Variants in MTMR8 observed in about 807,000 individuals in gnomAD.
MTMR8 encodes the protein phosphatidylinositol-3,5-bisphosphate 3-phosphatase MTMR8.
A neutral mutation model predicts 39.3 loss-of-function variants in MTMR8; 65 were observed. That is an observed-to-expected ratio of 1.65 (90% CI 1.35 to 2.03). The LOEUF is 2.03. Ranked by LOEUF, MTMR8 falls within the 30% of genes most tolerant of loss-of-function variation. MTMR8 has a pLI of 0.00. For synonymous variants in MTMR8, 245 were observed against 185.2 expected (o/e 1.32, Z -2.62); for missense variants, 777 against 538.9 (o/e 1.44, Z -4.37).
At chrX:64,352,688 A>G (rs1383648987) in intron 4 of MTMR8, among the ~76,000 whole-genome samples, 4 of 111,349 alleles carry the variant, frequency 3.6e-5, no homozygotes, top group Non-Finnish European at 7.5e-5. Context: ...AAATTCCTTC[A>G]CTTTTCTAGC....
At chrX:64,321,002 C>G (rs1256953986) in intron 12 of MTMR8, among the ~76,000 whole-genome samples, 1 of 111,926 alleles carries the variant, frequency 8.9e-6, no homozygotes, top group Non-Finnish European at 1.9e-5. Context: ...TGGCAAATAA[C>G]ACAACCTTTA....
chrX:64,291,746 G>A (rs1459036424), intron 12 of MTMR8, among the ~76,000 whole-genome samples: 1 of 111,607 alleles, frequency 9.0e-6, no homozygotes, highest in Non-Finnish European at 1.9e-5. Flanking sequence ...TTTGGAACAC[G>A]TTCGCATAAC....
At chrX:64,287,057 G>T (rs752933926) in intron 12 of MTMR8, among the ~76,000 whole-genome samples, 2 of 111,706 alleles carry the variant, frequency 1.8e-5, no homozygotes, top group South Asian at 7.5e-4. Context: ...TGTATATCTA[G>T]AAAACCCCAT....
At chrX:64,321,461 T>G (rs1353308099) in intron 12 of MTMR8, among the ~76,000 whole-genome samples, 1 of 111,988 alleles carries the variant, frequency 8.9e-6, no homozygotes, top group East Asian at 2.8e-4. Flanking sequence ...CTAGAACAGT[T>G]AAACAACAGA....
intron 1 of MTMR8, among the ~76,000 whole-genome samples, chrX:64,389,431 C>T (rs1924640717): frequency 8.9e-6 from 1 of 111,897 alleles, no homozygotes; most frequent in Non-Finnish European, 1.9e-5. Context: ...AAGACACAAC[C>T]CTAAAACAAA....
In MTMR8 at chrX:64,319,915, A is replaced by C. The variant is rs756897675; in HGVS notation, c.1481+8857T>G. Among the ~76,000 whole-genome samples the C allele has an allele frequency of 5.4e-5, 6 of 111,228 alleles. No individual in the cohort carries two copies. In the South Asian group the frequency reaches 1.9e-3, roughly 36 times the overall value. On this transcript the variant is annotated intron_variant, in intron 12 of 13. Coordinates refer to ENST00000374852, the MANE Select transcript of MTMR8 (RefSeq NM_017677.4). ...CTTTTTTGGTTCCATATGAACTTTAAAGTAGTTTTTTCCAATTCTGTGAAG... is the reference window on the plus strand; with the variant it reads ...CTTTTTTGGTTCCATATGAACTTTACAGTAGTTTTTTCCAATTCTGTGAAG...
intron 12 of MTMR8, among the ~76,000 whole-genome samples, chrX:64,317,955 C>A (rs979960806): frequency 1.8e-5 from 2 of 112,327 alleles, no homozygotes; most frequent in African/African-American, 6.5e-5. Flanking sequence ...GTTAATAACA[C>A]CCTAGCTGCA....
At chrX:64,304,885 T>C (rs1433605907) in intron 12 of MTMR8, among the ~76,000 whole-genome samples, 1 of 79,317 alleles carries the variant, frequency 1.3e-5, no homozygotes, top group Non-Finnish European at 2.5e-5. Context: ...TATATATATA[T>C]ATATATATAT....
intron 12 of MTMR8, among the ~76,000 whole-genome samples, chrX:64,291,656 C>T (rs1488000248): frequency 9.0e-6 from 1 of 111,616 alleles, no homozygotes; most frequent in Non-Finnish European, 1.9e-5. Flanking sequence ...ACCAGGAAAT[C>T]AATATGGGAC....
chrX:64,337,227 G>T, intron 9 of MTMR8, 41 bp downstream of exon 9: 2 of 1,166,199 alleles, frequency 1.7e-6, no homozygotes, highest in East Asian at 6.1e-5. Context: ...GTCGCAATCT[G>T]TCTCTTACAC....
At position 64,386,069 on chromosome X, in the gene MTMR8, A is replaced by G. The variant is rs538648870; in HGVS notation, c.24+9271T>C. Among the ~76,000 whole-genome samples the G allele has an allele frequency of 3.2e-4, 36 of 111,100 alleles. No individual in the cohort carries two copies. The South Asian group carries it at 5.1e-3, about 16-fold the overall frequency. Reference sequence around the variant, plus strand: ...CCAATCTACCTGAATCAGCTTAATAAGGAAGTCTTCTCTGCTTTCACCCTG... The same window carrying G: ...CCAATCTACCTGAATCAGCTTAATAGGGAAGTCTTCTCTGCTTTCACCCTG... On this transcript the variant is annotated intron_variant, in intron 1 of 13. Coordinates refer to ENST00000374852, the MANE Select transcript of MTMR8 (RefSeq NM_017677.4).
chrX:64,376,791 AC>A (rs1484163438), intron 1 of MTMR8, among the ~76,000 whole-genome samples: 1 of 112,217 alleles, frequency 8.9e-6, no homozygotes, highest in African/African-American at 3.2e-5. Flanking sequence ...AATAGCCAAA[AC>A]AATGGAGAAA....
chrX:64,320,682 A>T (rs1252622881), intron 12 of MTMR8, among the ~76,000 whole-genome samples: 1 of 110,822 alleles, frequency 9.0e-6, no homozygotes, highest in African/African-American at 3.3e-5. Flanking sequence ...GAGAAAAAAA[A>T]TGCTCTGGAA....
chrX:64,274,292 T>C (rs1328631926), intron 12 of MTMR8, among the ~76,000 whole-genome samples: 1 of 111,972 alleles, frequency 8.9e-6, no homozygotes, highest in Non-Finnish European at 1.9e-5. Flanking sequence ...TAGAAATCAA[T>C]AGCATAAAGG....
Position 64,345,136 on chromosome X carries a change from T to A in MTMR8, c.774A>T (p.Glu258Asp). The change falls in exon 7 of 14, where the codon GAA becomes GAT. Residue 258 changes from glutamate to aspartate, a missense_variant. Physicochemically the swap from Glu to Asp is conservative, Grantham distance 45. Transcript: ENST00000374852. ...GAATGTTGGCATAGTTGTCTTCATT[T>A]TCATACCCCTTCCCAGCTGCTCGGT... is the stretch of plus-strand genomic sequence containing the variant. ...MANRAAGKGY[E>D]NEDNYANIRF... The A allele has an allele frequency of 8.3e-7, 1 of 1,211,335 alleles. No homozygotes were observed. The highest frequency in any genetic ancestry group is 1.8e-5 in the South Asian group (1 of 56,997).
At chrX:64,270,134 T>C (rs887580721) in intron 13 of MTMR8, among the ~76,000 whole-genome samples, 1 of 110,902 alleles carries the variant, frequency 9.0e-6, no homozygotes, top group Non-Finnish European at 1.9e-5. Context: ...GATTTTAACT[T>C]ATGCTTTAGT....
chrX:64,305,848 G>A (rs1216212426), intron 12 of MTMR8: 2 of 297,844 alleles, frequency 6.7e-6, no homozygotes, highest in Non-Finnish European at 6.2e-6. Context: ...GGGCATGGTG[G>A]CTCACACTTG....
chrX:64,324,122 G>T (rs750773736), intron 12 of MTMR8, among the ~76,000 whole-genome samples: 13 of 112,139 alleles, frequency 1.2e-4, no homozygotes, highest in Admixed American at 3.8e-4. Context: ...CAGCACTTTT[G>T]GGGGGGCCAA....
At chrX:64,296,384 T>C (rs181254519) in intron 12 of MTMR8, among the ~76,000 whole-genome samples, 1 of 110,568 alleles carries the variant, frequency 9.0e-6, no homozygotes, top group East Asian at 2.9e-4. Flanking sequence ...GTTCTGGAAA[T>C]GGATAATGAT....
Sources: allele counts gnomAD v4.1 joint callset (sites outside exome capture counted in the v4.1 genomes callset), GRCh38; gene constraint gnomAD v4.1.1; transcripts MANE v1.5; gene names NCBI Gene and HGNC (gene_info 2026-07-23, HGNC 2026-07-21).